Variants in NR3C2 observed in about 807,000 individuals in gnomAD.
NR3C2 encodes mineralocorticoid receptor.
In NR3C2, 15 loss-of-function variants were observed where a neutral mutation model predicts 86.4. The ratio of observed to expected loss-of-function variants is 0.17; its 90% CI spans 0.12 to 0.27. The LOEUF is 0.27. NR3C2 is among the 10% of genes least tolerant of loss of function. The pLI, the probability that NR3C2 is intolerant of heterozygous loss-of-function variation, is 1.00. For missense variants in NR3C2, 960 were observed against 1,195.6 expected (o/e 0.80, Z 2.91); for synonymous variants, 458 against 450.5 (o/e 1.02, Z -0.21).
chr4:148,267,559 AAAT>A (rs1740460074), intron 2 of NR3C2, among the ~76,000 whole-genome samples: 1 of 152,204 alleles, frequency 6.6e-6, no homozygotes, highest in Non-Finnish European at 1.5e-5. Flanking sequence ...AAATAATTTA[AAAT>A]AATACCACAA....
intron 4 of NR3C2, among the ~76,000 whole-genome samples, chr4:148,181,784 T>C (rs1735658571): frequency 6.6e-6 from 1 of 152,238 alleles, no homozygotes; most frequent in Admixed American, 6.5e-5. Context: ...TGCTGTATTT[T>C]CCTTTGCATG....
At chr4:148,312,821 C>A (rs1742968557) in intron 2 of NR3C2, among the ~76,000 whole-genome samples, 1 of 152,052 alleles carries the variant, frequency 6.6e-6, no homozygotes, top group Non-Finnish European at 1.5e-5. Context: ...TTTAGTTTTG[C>A]ATTTCATTTA....
At chr4:148,240,770 C>T (rs1738987817) in intron 3 of NR3C2, among the ~76,000 whole-genome samples, 1 of 152,148 alleles carries the variant, frequency 6.6e-6, no homozygotes, top group African/African-American at 2.4e-5. Context: ...GGTCTGGGAA[C>T]AAAGGAACAC....
chr4:148,080,887 T>G lies in NR3C2; in HGVS notation c.*457A>C, dbSNP rs1393176304. On this transcript the variant is annotated 3_prime_UTR_variant, in exon 9 of 9. Transcript: ENST00000358102. ...TATATTTTTTTATTATTTTTTTGTGTTTTTTTAATAACAAAAGAATATTAA... is the reference window on the plus strand; with the variant it reads ...TATATTTTTTTATTATTTTTTTGTGGTTTTTTAATAACAAAAGAATATTAA... The G allele has an allele frequency of 5.5e-6, 2 of 362,712 alleles. No individual in the cohort carries two copies. The highest frequency in any genetic ancestry group is 1.1e-5 in the Non-Finnish European group (2 of 178,176). The allele number at this position is 362,712 out of a possible 1,614,324, so 22.5% of individuals were successfully genotyped here.
chr4:148,439,697 T>C (rs1158396122), intron 1 of NR3C2, among the ~76,000 whole-genome samples: 1 of 152,222 alleles, frequency 6.6e-6, no homozygotes, highest in Non-Finnish European at 1.5e-5. Context: ...GGAGATTCTG[T>C]TTACTTTTTA....
intron 2 of NR3C2, among the ~76,000 whole-genome samples, chr4:148,366,987 T>A (rs1233461536): frequency 1.2e-4 from 18 of 152,214 alleles, no homozygotes; most frequent in Admixed American, 1.1e-3. Context: ...TGGGGTATGC[T>A]AAGCCTGTAT....
chr4:148,344,769 G>A (rs571096513), intron 2 of NR3C2, among the ~76,000 whole-genome samples: 24 of 152,212 alleles, frequency 1.6e-4, no homozygotes, highest in African/African-American at 5.8e-4. Flanking sequence ...AGAAAAAACG[G>A]GAATGACACA....
chr4:148,284,914 T>C (rs1188758974), intron 2 of NR3C2, among the ~76,000 whole-genome samples: 1 of 152,216 alleles, frequency 6.6e-6, no homozygotes, highest in East Asian at 1.9e-4. Context: ...TCTCATTTCA[T>C]ATACAAAAAA....
intron 8 of NR3C2, among the ~76,000 whole-genome samples, chr4:148,088,637 T>C (rs1015010009): frequency 6.6e-6 from 1 of 151,430 alleles, no homozygotes; most frequent in African/African-American, 2.4e-5. Flanking sequence ...CACTGCATGT[T>C]CTCACTCATA....
intron 8 of NR3C2, among the ~76,000 whole-genome samples, chr4:148,108,834 G>GCC (rs1236678907): frequency 6.6e-6 from 1 of 152,150 alleles, no homozygotes; most frequent in Non-Finnish European, 1.5e-5. Context: ...TACAAAACAA[G>GCC]GTTGACTGCC....
chr4:148,404,299 G>A (rs1250731252), intron 2 of NR3C2, among the ~76,000 whole-genome samples: 1 of 152,022 alleles, frequency 6.6e-6, no homozygotes, highest in African/African-American at 2.4e-5. Context: ...GTTAGAACAG[G>A]ATTCACTTAA....
rs140644495 is a variant in NR3C2, at chr4:148,079,073, A to G, written c.*2271T>C. 3 of 152,728 alleles carry G rather than the reference A, an allele frequency of 2.0e-5. No homozygotes were observed. In the East Asian group the frequency reaches 5.8e-4, roughly 29 times the overall value. The allele number at this position is 152,728 out of a possible 1,614,324, so 9.5% of individuals were successfully genotyped here. On this transcript the variant is annotated 3_prime_UTR_variant, in exon 9 of 9. Transcript: ENST00000358102. The stretch of plus-strand genomic sequence containing the variant: ...AAGAGCCAGTAACTTTGTTAATACA[A>G]AAAGCTGATGCAGACCATCTCCATC...
chr4:148,260,349 T>C (rs1740035250), intron 2 of NR3C2, among the ~76,000 whole-genome samples: 2 of 152,140 alleles, frequency 1.3e-5, no homozygotes, highest in Admixed American at 6.6e-5. Flanking sequence ...TAAGAAATAA[T>C]CAAATGTAAA....
intron 3 of NR3C2, among the ~76,000 whole-genome samples, chr4:148,216,199 A>G (rs1479310557): frequency 6.6e-6 from 1 of 152,074 alleles, no homozygotes; most frequent in Non-Finnish European, 1.5e-5. Flanking sequence ...GTATTTTAAC[A>G]TATCACAAAA....
chr4:148,107,965 T>C (rs887547632), intron 8 of NR3C2, among the ~76,000 whole-genome samples: 6 of 152,058 alleles, frequency 3.9e-5, no homozygotes, highest in African/African-American at 1.5e-4. Context: ...TATACCTACA[T>C]AACAAACCAG....
At chr4:148,370,114 T>C (rs1421950326) in intron 2 of NR3C2, among the ~76,000 whole-genome samples, 2 of 152,192 alleles carry the variant, frequency 1.3e-5, no homozygotes, top group African/African-American at 4.8e-5. Flanking sequence ...AGATGGCCAG[T>C]GACAGGTGCA....
chr4:148,265,891 T>C (rs1406969231), intron 2 of NR3C2, among the ~76,000 whole-genome samples: 1 of 151,960 alleles, frequency 6.6e-6, no homozygotes, highest in Non-Finnish European at 1.5e-5. Flanking sequence ...TGAGAAAAAC[T>C]AGAAGGAGAA....
chr4:148,361,476 A>G (rs1745832517), intron 2 of NR3C2, among the ~76,000 whole-genome samples: 4 of 152,230 alleles, frequency 2.6e-5, no homozygotes, highest in Admixed American at 2.6e-4. Context: ...GCCCAGAAGT[A>G]GCTCTGTAAG....
intron 2 of NR3C2, among the ~76,000 whole-genome samples, chr4:148,292,545 G>A (rs1035504700): frequency 3.9e-5 from 6 of 152,038 alleles, no homozygotes; most frequent in African/African-American, 1.4e-4. Context: ...AGAAGGTAAA[G>A]ACTTACATAT....
Sources: gnomAD v4.1 joint callset for allele counts (sites outside exome capture counted in the v4.1 genomes callset) on GRCh38, gnomAD v4.1.1 for gene constraint, MANE v1.5 for transcripts, NCBI Gene and HGNC (gene_info 2026-07-23, HGNC 2026-07-21) for gene names.